The following OR4N2 variants were observed in gnomAD, a reference collection of about 807,000 sequenced individuals.
OR4N2 encodes olfactory receptor 4N2.
For missense variants in OR4N2, 307 were observed against 377.6 expected, an observed-to-expected ratio of 0.81 and a Z score of 1.55; for synonymous variants, 141 against 140.4, an observed-to-expected ratio of 1.00 and a Z score of -0.03.
Position 19,828,338 on chromosome 14 carries a change from C to T in OR4N2, c.890C>T (p.Ser297Phe), listed in dbSNP as rs761932298. ...YTLRNQEVKASMKKVFNKHIA is the reference protein window; with the variant it reads ...YTLRNQEVKAFMKKVFNKHIA ...CTTCGCAACCAGGAAGTGAAAGCTT[C>T]CATGAAAAAGGTGTTTAATAAGCAC... The change falls in exon 2 of 2, where the codon TCC becomes TTC. Residue 297 changes from serine to phenylalanine, a missense_variant. Transcript: ENST00000557677. 2.5e-6 allele frequency: 4 copies of T among 1,612,436 alleles called. No individual in the cohort carries two copies. The highest frequency in any genetic ancestry group is 1.7e-5 in the Admixed American group (1 of 59,630).
chr14:19,811,313 C>T (rs1879289561), intron 1 of OR4N2, among the ~76,000 whole-genome samples: 1 of 152,220 alleles, frequency 6.6e-6, no homozygotes, highest in East Asian at 1.9e-4. Flanking sequence ...GTGGTGCGAT[C>T]TCGGCTCACT....
intron 1 of OR4N2, among the ~76,000 whole-genome samples, chr14:19,810,228 C>T (rs1367414636): frequency 6.6e-6 from 1 of 152,180 alleles, no homozygotes; most frequent in African/African-American, 2.4e-5. Flanking sequence ...AGCCAAGAAG[C>T]ATATGAAAAA....
At chr14:19,812,417 C>T (rs1368537155) in intron 1 of OR4N2, among the ~76,000 whole-genome samples, 1 of 150,930 alleles carries the variant, frequency 6.6e-6, no homozygotes, top group Non-Finnish European at 1.5e-5. Flanking sequence ...GCAAACTCCA[C>T]CTCCCGAGTT....
intron 1 of OR4N2, among the ~76,000 whole-genome samples, chr14:19,818,970 G>A (rs1879495199): frequency 6.6e-6 from 1 of 152,220 alleles, no homozygotes. Context: ...TTAAATTCTG[G>A]TTTGAAAATT....
rs1175544692 is a variant in OR4N2, at chr14:19,827,771, G to T, written c.323G>T (p.Gly108Val). Residue 108 changes from glycine (G) to valine (V), a missense_variant, in exon 2 of 2, where the codon GGA becomes GTA. Physicochemically the swap from Gly to Val is moderately radical, Grantham distance 109 (BLOSUM62 -3). Coordinates refer to ENST00000557677, the MANE Select transcript of OR4N2 (RefSeq NM_001004723.3). ...ITQLFFLHFL[G>V]GGEGLLLVVM... ...CAGCTCTTTTTCTTGCACTTCCTTG[G>T]AGGAGGGGAGGGATTACTCCTTGTT... 3 of 1,614,128 alleles carry T rather than the reference G, an allele frequency of 1.9e-6. No homozygotes were observed. In the African/African-American group the frequency reaches 4.0e-5, roughly 22 times the overall value.
intron 1 of OR4N2, among the ~76,000 whole-genome samples, chr14:19,807,025 C>T (rs185950784): frequency 5.5e-3 from 840 of 151,720 alleles, no homozygotes; most frequent in Middle Eastern, 6.8e-3. Context: ...AGGGACACAA[C>T]TAACCAAAAT....
chr14:19,805,257 A>G (rs1245135242), intron 1 of OR4N2, among the ~76,000 whole-genome samples: 3 of 152,192 alleles, frequency 2.0e-5, no homozygotes, highest in Non-Finnish European at 4.4e-5. Context: ...ATAATAAATT[A>G]CTGAAATGAC....
chr14:19,820,668 C>A (rs1490159796), intron 1 of OR4N2, among the ~76,000 whole-genome samples: 1 of 152,260 alleles, frequency 6.6e-6, no homozygotes, highest in African/African-American at 2.4e-5. Flanking sequence ...GCTATAGCTG[C>A]TTTGCTGGGT....
chr14:19,810,240 T>C (rs1266569814), intron 1 of OR4N2, among the ~76,000 whole-genome samples: 1 of 152,174 alleles, frequency 6.6e-6, no homozygotes, highest in Non-Finnish European at 1.5e-5. Context: ...TATGAAAAAA[T>C]GTTCGACATC....
At chr14:19,815,380 G>A (rs1456336039) in intron 1 of OR4N2, among the ~76,000 whole-genome samples, 24 of 152,338 alleles carry the variant, frequency 1.6e-4, no homozygotes, top group Non-Finnish European at 2.8e-4. Context: ...GGCATGAGAT[G>A]GTATCTCATT....
chr14:19,813,243 T>A (rs2138467379), intron 1 of OR4N2, among the ~76,000 whole-genome samples: 1 of 152,386 alleles, frequency 6.6e-6, no homozygotes, highest in Non-Finnish European at 1.5e-5. Context: ...GTATTTTGCT[T>A]CCTTTCTCTA....
At chr14:19,811,489 G>A (rs758756133) in intron 1 of OR4N2, among the ~76,000 whole-genome samples, 20 of 152,136 alleles carry the variant, frequency 1.3e-4, no homozygotes, top group Non-Finnish European at 2.4e-4. Context: ...CTCGTGATCC[G>A]CCCTCCTAGG....
rs147645070 is a variant in OR4N2 at position 19,827,701 on chromosome 14, T to A, written c.253T>A (p.Phe85Ile). 2,149 of 1,614,060 alleles carry A rather than the reference T, an allele frequency of 1.3e-3. 12 individuals carry two copies. In the African/African-American group the frequency reaches 0.024, roughly 18 times the overall value. ...FIVAPRMLVDFLSAKKIISYR... is the reference protein window; with the variant it reads ...FIVAPRMLVDILSAKKIISYR... The stretch of plus-strand genomic sequence containing the variant: ...TGTGGCTCCCCGGATGTTGGTGGAC[T>A]TCCTCTCTGCGAAGAAGATAATCTC... The change falls in exon 2 of 2, where the codon TTC becomes ATC. Residue 85 changes from phenylalanine to isoleucine, a missense_variant. Coordinates refer to ENST00000557677, the MANE Select transcript of OR4N2 (RefSeq NM_001004723.3).
intron 1 of OR4N2, among the ~76,000 whole-genome samples, chr14:19,815,657 T>G (rs1336882395): frequency 6.6e-4 from 24 of 36,236 alleles, no homozygotes; most frequent in East Asian, 1.5e-3. Context: ...TTTTTTTTGT[T>G]TTTTTTTTTT....
chr14:19,815,342 T>A (rs1594396664), intron 1 of OR4N2, among the ~76,000 whole-genome samples: 1 of 152,282 alleles, frequency 6.6e-6, no homozygotes, highest in Non-Finnish European at 1.5e-5. Flanking sequence ...TGTTGTTTCC[T>A]GACCTTTTAA....
intron 1 of OR4N2, among the ~76,000 whole-genome samples, chr14:19,821,478 C>T (rs1289148513): frequency 6.6e-6 from 1 of 151,832 alleles, no homozygotes; most frequent in Admixed American, 6.6e-5. Context: ...GTATTTTTTG[C>T]CTCATCCTAC....
rs1333315850 is a variant in OR4N2, at chr14:19,829,948, A to G, written c.*1576A>G. ...TTTAGTGAGAAAGGTAGCAGGTGAG[A>G]ATTCCTTAATCTCCCATCACTACCA... On this transcript the variant is annotated 3_prime_UTR_variant, in exon 2 of 2. Coordinates refer to ENST00000557677, the MANE Select transcript of OR4N2 (RefSeq NM_001004723.3). 1.3e-5 allele frequency: 2 copies of G among 152,232 alleles called. No individual in the cohort carries two copies. Among genetic ancestry groups the G allele is most frequent in the Non-Finnish European group, 2.9e-5 (2 of 68,048 alleles). The allele number at this position is 152,232 out of a possible 1,614,324, so 9.4% of individuals were successfully genotyped here.
intron 1 of OR4N2, among the ~76,000 whole-genome samples, chr14:19,811,889 GAATGCAAGTAT>G (rs1397835246): frequency 2.0e-5 from 3 of 152,260 alleles, no homozygotes; most frequent in Non-Finnish European, 4.4e-5. Flanking sequence ...AGATTAGGAA[GAATGCAAGTAT>G]ACATGCTCTC....
rs557621236 is a variant in OR4N2 at position 19,811,513 on chromosome 14, T to G, written c.-10+7669T>G. ...CGCCCTCCTAGGCCCCCCAAAGTGCTGGGACTATAGGCGTGAGCCACCCTG... is the reference window on the plus strand; with the variant it reads ...CGCCCTCCTAGGCCCCCCAAAGTGCGGGGACTATAGGCGTGAGCCACCCTG... On this transcript the variant is annotated intron_variant, in intron 1 of 1. Transcript: ENST00000557677. 1.3e-4 allele frequency among the ~76,000 whole-genome samples: 20 copies of G among 152,364 alleles called. No individual in the cohort carries two copies. The South Asian group carries it at 4.1e-3, about 32-fold the overall frequency.
Sources: allele counts gnomAD v4.1 joint callset (sites outside exome capture counted in the v4.1 genomes callset), GRCh38; gene constraint gnomAD v4.1.1; transcripts MANE v1.5; gene names NCBI Gene and HGNC (gene_info 2026-07-23, HGNC 2026-07-21).